PRKACB: variants seen among roughly 807,000 people sequenced by gnomAD.
PRKACB encodes the protein cAMP-dependent protein kinase catalytic subunit beta.
Under a neutral mutation model 51.4 loss-of-function variants are expected in PRKACB, and 16 were observed. The ratio of observed to expected loss-of-function variants is 0.31; its 90% CI spans 0.21 to 0.47. The LOEUF is 0.47. PRKACB is among the 20% of genes least tolerant of loss of function. The probability of loss-of-function intolerance (pLI) is 1.00; values close to 1 mark genes in which losing one functional copy is unlikely to be tolerated. For synonymous variants in PRKACB, 147 were observed against 154.4 expected (o/e 0.95, Z 0.35); for missense variants, 309 against 464.5 (o/e 0.67, Z 3.08).
At chr1:84,105,278 G>GT (rs1649645774) in intron 1 of PRKACB, among the ~76,000 whole-genome samples, 1 of 152,026 alleles carries the variant, frequency 6.6e-6, no homozygotes, top group African/African-American at 2.4e-5. Flanking sequence ...TCTTCTGGAT[G>GT]TTTTTTTCTG....
intron 1 of PRKACB, among the ~76,000 whole-genome samples, chr1:84,165,702 G>T (rs537530697): frequency 6.6e-6 from 1 of 151,748 alleles, no homozygotes; most frequent in East Asian, 1.9e-4. Context: ...ATATACTACA[G>T]TATGTACTGC....
At chr1:84,189,086 A>G (rs951652051) in intron 5 of PRKACB, among the ~76,000 whole-genome samples, 2 of 151,938 alleles carry the variant, frequency 1.3e-5, no homozygotes, top group Non-Finnish European at 2.9e-5. Flanking sequence ...AAATCACCAA[A>G]ATGGTAAAGA....
chr1:84,122,155 C>A (rs1449098823), intron 1 of PRKACB, among the ~76,000 whole-genome samples: 1 of 152,136 alleles, frequency 6.6e-6, no homozygotes, highest in African/African-American at 2.4e-5. Flanking sequence ...CAAAACAATT[C>A]TCTCCAGCAC....
intron 9 of PRKACB, among the ~76,000 whole-genome samples, chr1:84,215,322 C>T (rs903604122): frequency 7.2e-5 from 11 of 152,112 alleles, no homozygotes; most frequent in African/African-American, 2.2e-4. Flanking sequence ...ATGAGCAAAA[C>T]CAACCTTTAT....
Position 84,184,116 on chromosome 1 carries a change from G to A in PRKACB, c.458G>A (p.Arg153Gln), listed in dbSNP as rs36117118. The A allele has an allele frequency of 2.5e-4, 407 of 1,604,514 alleles. No individual in the cohort carries two copies. Among genetic ancestry groups the A allele is most frequent in the Non-Finnish European group, 3.3e-4 (383 of 1,175,298 alleles). The change falls in exon 4 of 10, where the codon CGA becomes CAA. Residue 153 changes from arginine to glutamine, a missense_variant. Coordinates refer to ENST00000370685, the MANE Select transcript of PRKACB (RefSeq NM_182948.4). ...LQAVNFPFLVRLEYAFKDNSN... is the reference protein window; with the variant it reads ...LQAVNFPFLVQLEYAFKDNSN... Reference sequence around the variant, plus strand: ...GCAGTGAATTTTCCTTTCCTTGTTCGACTGGAGTATGCTTTTAAGGTAAAT... The same window carrying A: ...GCAGTGAATTTTCCTTTCCTTGTTCAACTGGAGTATGCTTTTAAGGTAAAT...
At chr1:84,124,675 C>T (rs779412038) in intron 1 of PRKACB, among the ~76,000 whole-genome samples, 1 of 152,168 alleles carries the variant, frequency 6.6e-6, no homozygotes, top group Non-Finnish European at 1.5e-5. Context: ...TGAGGGTTCT[C>T]ATGTGAGTGA....
At chr1:84,228,938 T>TA (rs1420410713) in intron 9 of PRKACB, among the ~76,000 whole-genome samples, 12 of 152,028 alleles carry the variant, frequency 7.9e-5, no homozygotes, top group Non-Finnish European at 1.3e-4. Context: ...TCTTTTTTTT[T>TA]TTATTATTAT....
chr1:84,201,043 T>C (rs1198702983), intron 7 of PRKACB, among the ~76,000 whole-genome samples: 1 of 152,122 alleles, frequency 6.6e-6, no homozygotes, highest in East Asian at 1.9e-4. Context: ...TTCCTTATTT[T>C]ACATTATTTC....
upstream of PRKACB, among the ~76,000 whole-genome samples, chr1:84,143,268 A>G (rs1342023441): frequency 2.0e-5 from 3 of 152,106 alleles, no homozygotes; most frequent in Admixed American, 6.5e-5. Context: ...CCTGGCCAAC[A>G]TGGAGAAACC....
rs538516368 is a variant in PRKACB, at chr1:84,129,902, T to C, written c.47-49275T>C. 2.0e-5 allele frequency among the ~76,000 whole-genome samples: 3 copies of C among 152,300 alleles called. No individual in the cohort carries two copies. The South Asian group carries it at 6.2e-4, about 32-fold the overall frequency. On this transcript the variant is annotated intron_variant, in intron 1 of 8. Coordinates refer to the PRKACB transcript ENST00000370688. ...CTCAAGGCAGTCAGAATTCCAGAAC[T>C]GTACAGTGGATTCAGACAGAAAATG...
chr1:84,168,275 T>C (rs967681687), intron 1 of PRKACB, among the ~76,000 whole-genome samples: 10 of 151,632 alleles, frequency 6.6e-5, no homozygotes, highest in Non-Finnish European at 1.0e-4. Flanking sequence ...ACGTCTTTAC[T>C]TTTTTCCTTG....
At chr1:84,106,989 A>T (rs1024720213) in intron 1 of PRKACB, among the ~76,000 whole-genome samples, 1 of 152,062 alleles carries the variant, frequency 6.6e-6, no homozygotes, top group Non-Finnish European at 1.5e-5. Flanking sequence ...AGAGAAAGAT[A>T]AAAAGGAAAA....
intron 7 of PRKACB, 56 bp downstream of exon 7, chr1:84,197,880 G>A (rs1046668565): frequency 4.0e-5 from 49 of 1,222,240 alleles, no homozygotes; most frequent in Non-Finnish European, 5.2e-5. Context: ...GCATCCCTAT[G>A]GACTTTTGTA....
intron 9 of PRKACB, among the ~76,000 whole-genome samples, chr1:84,228,701 A>G (rs1181887404): frequency 2.0e-5 from 3 of 152,220 alleles, no homozygotes; most frequent in African/African-American, 7.2e-5. Context: ...AAACTCTCAG[A>G]AAGTTTTGAT....
intron 1 of PRKACB, among the ~76,000 whole-genome samples, chr1:84,130,925 G>A (rs1014432399): frequency 1.3e-5 from 2 of 152,010 alleles, no homozygotes; most frequent in Non-Finnish European, 2.9e-5. Flanking sequence ...ATGTATAATG[G>A]TAGAAATAAA....
chr1:84,175,693 T>C, intron 1 of PRKACB: 1 of 975,576 alleles, frequency 1.0e-6, no homozygotes, highest in Non-Finnish European at 1.5e-6. Flanking sequence ...AAGTAAGTTG[T>C]GTTTTTATGA....
chr1:84,227,052 A>G (rs187862282), intron 9 of PRKACB, among the ~76,000 whole-genome samples: 21 of 152,288 alleles, frequency 1.4e-4, no homozygotes, highest in Non-Finnish European at 8.8e-5. Flanking sequence ...TATTTGCCTG[A>G]AATCTATTTG....
In PRKACB at chr1:84,235,284, A is replaced by C; in HGVS notation, c.1176A>C (p.Ala392=). 2 of 1,614,142 alleles carry C rather than the reference A, an allele frequency of 1.2e-6. No homozygotes were observed. Among genetic ancestry groups the C allele is most frequent in the East Asian group, 4.5e-5 (2 of 44,882 alleles). The change falls in exon 10 of 10, where the codon GCA becomes GCC. Residue 392 remains alanine (A), a synonymous_variant. Coordinates refer to ENST00000370685, the MANE Select transcript of PRKACB (RefSeq NM_182948.4). Reference sequence around the variant, plus strand: ...GTGTCTCTATAACAGAAAAATGTGCAAAAGAATTTGGTGAATTTTAAAGAG... The same window carrying C: ...GTGTCTCTATAACAGAAAAATGTGCCAAAGAATTTGGTGAATTTTAAAGAG... ...DIRVSITEKC[A]KEFGEF
At chr1:84,160,862 C>A (rs1017959788) in intron 1 of PRKACB, among the ~76,000 whole-genome samples, 3 of 151,556 alleles carry the variant, frequency 2.0e-5, no homozygotes, top group African/African-American at 7.2e-5. Flanking sequence ...TTTGGCAAAC[C>A]CTTCAAATTA....
Sources: allele counts gnomAD v4.1 joint callset (sites outside exome capture counted in the v4.1 genomes callset), GRCh38; gene constraint gnomAD v4.1.1; transcripts MANE v1.5; gene names NCBI Gene and HGNC (gene_info 2026-07-23, HGNC 2026-07-21).